The following ZNF438 variants were observed in gnomAD, a reference collection of about 807,000 sequenced individuals.
The protein encoded by ZNF438 is zinc finger protein 438.
Under a neutral mutation model 38.0 loss-of-function variants are expected in ZNF438, and 25 were observed. The observed-to-expected ratio is 0.66, with a 90% confidence interval of 0.48 to 0.92. The LOEUF (loss-of-function observed/expected upper bound fraction) is 0.92. ZNF438 is among the 40% of genes least tolerant of loss of function. The pLI, the probability that ZNF438 is intolerant of heterozygous loss-of-function variation, is 0.00. For synonymous variants in ZNF438, 372 were observed against 364.1 expected (o/e 1.02, Z -0.25); for missense variants, 1,007 against 999.6 (o/e 1.01, Z -0.10).
chr10:30,857,367 G>A (rs1272096970), intron 4 of ZNF438, among the ~76,000 whole-genome samples: 1 of 149,916 alleles, frequency 6.7e-6, no homozygotes, highest in Non-Finnish European at 1.5e-5. Context: ...TGATTCTCCT[G>A]CCTTAGCCTC....
At chr10:30,878,349 G>C (rs376990113) in intron 3 of ZNF438, among the ~76,000 whole-genome samples, 3 of 152,132 alleles carry the variant, frequency 2.0e-5, no homozygotes, top group Non-Finnish European at 4.4e-5. Context: ...TGACTTCAGA[G>C]GGACAGCTGG....
At chr10:30,888,407 G>C (rs530539827) in intron 3 of ZNF438, among the ~76,000 whole-genome samples, 1 of 146,592 alleles carries the variant, frequency 6.8e-6, no homozygotes, top group Non-Finnish European at 1.5e-5. Context: ...GTACATGTGC[G>C]AGTTTGATAT....
intron 1 of ZNF438, among the ~76,000 whole-genome samples, chr10:30,995,258 A>G (rs1437613998): frequency 6.6e-6 from 1 of 152,220 alleles, no homozygotes; most frequent in African/African-American, 2.4e-5. Context: ...AAGCAGCAAG[A>G]GCAAAATGAC....
rs575718995 is a variant in ZNF438, at chr10:30,875,530, A to G, written c.37+1468T>C. 9.1e-6 allele frequency: 9 copies of G among 985,428 alleles called. No individual in the cohort carries two copies. The Admixed American group carries it at 5.5e-4, about 61-fold the overall frequency. 61.0% of individuals were successfully genotyped at this position (985,428 alleles called of 1,614,324 possible). Reference sequence around the variant, plus strand: ...GCTTGCTTGGATAAAAAAAGGTAATACCAGCTAGGACACTGAATTTCAAAC... The same window carrying G: ...GCTTGCTTGGATAAAAAAAGGTAATGCCAGCTAGGACACTGAATTTCAAAC... On this transcript the variant is annotated intron_variant, in intron 4 of 5. Coordinates refer to ENST00000413025, the Ensembl canonical transcript of ZNF438.
chr10:30,878,199 T>C (rs1379235899), intron 3 of ZNF438, among the ~76,000 whole-genome samples: 2 of 152,198 alleles, frequency 1.3e-5, no homozygotes, highest in Non-Finnish European at 2.9e-5. Flanking sequence ...TGGTTCTTTC[T>C]GAATAATGTC....
chr10:30,964,523 T>C (rs2049902243), intron 1 of ZNF438, among the ~76,000 whole-genome samples: 1 of 152,214 alleles, frequency 6.6e-6, no homozygotes, highest in Non-Finnish European at 1.5e-5. Flanking sequence ...CCAGGCACAA[T>C]GCTGTTTACA....
intron 2 of ZNF438, among the ~76,000 whole-genome samples, chr10:30,936,194 T>A (rs969563665): frequency 1.3e-5 from 2 of 152,112 alleles, no homozygotes; most frequent in Non-Finnish European, 2.9e-5. Context: ...TAAAGCCCGA[T>A]TTGCTCATTT....
At chr10:30,901,778 G>A (rs1352375429) in intron 3 of ZNF438, among the ~76,000 whole-genome samples, 2 of 152,036 alleles carry the variant, frequency 1.3e-5, no homozygotes, top group Admixed American at 6.5e-5. Context: ...ATGAAGCCGC[G>A]GACCCTCACG....
At chr10:31,006,790 C>G (rs2051383247) in intron 1 of ZNF438, among the ~76,000 whole-genome samples, 1 of 143,610 alleles carries the variant, frequency 7.0e-6, no homozygotes, top group Non-Finnish European at 1.5e-5. Flanking sequence ...GGGGGGGGAA[C>G]TCCCACACGT....
At chr10:30,974,985 C>T (rs1301628054) in intron 1 of ZNF438, among the ~76,000 whole-genome samples, 1 of 152,164 alleles carries the variant, frequency 6.6e-6, no homozygotes, top group East Asian at 1.9e-4. Flanking sequence ...ACCTGATAAT[C>T]CTGGAGAGGC....
chr10:30,891,820 T>C (rs993405781), intron 3 of ZNF438, among the ~76,000 whole-genome samples: 7 of 152,138 alleles, frequency 4.6e-5, no homozygotes, highest in African/African-American at 9.7e-5. Flanking sequence ...GATACAGATA[T>C]AAGAAAAAGA....
chr10:30,851,037 A>G (rs931073182), intron 4 of ZNF438, among the ~76,000 whole-genome samples: 2 of 152,168 alleles, frequency 1.3e-5, no homozygotes, highest in African/African-American at 4.8e-5. Flanking sequence ...CACACCTTTC[A>G]AACTGTTTAT....
At chr10:30,967,168 T>C (rs1448414619) in intron 1 of ZNF438, among the ~76,000 whole-genome samples, 1 of 152,246 alleles carries the variant, frequency 6.6e-6, no homozygotes, top group Non-Finnish European at 1.5e-5. Flanking sequence ...GGCGTAATAT[T>C]TTCTTCTAAA....
intron 1 of ZNF438, among the ~76,000 whole-genome samples, chr10:30,998,788 T>C (rs962645372): frequency 2.0e-5 from 3 of 152,174 alleles, no homozygotes; most frequent in Admixed American, 6.5e-5. Context: ...TCATTTTTCA[T>C]ACTTTCATGG....
At chr10:30,903,370 A>G (rs1346820292) in intron 3 of ZNF438, among the ~76,000 whole-genome samples, 1 of 152,210 alleles carries the variant, frequency 6.6e-6, no homozygotes, top group Admixed American at 6.5e-5. Flanking sequence ...AGAAGTTATA[A>G]GAAAACACCA....
chr10:30,993,760 T>A (rs1294936528), intron 1 of ZNF438, among the ~76,000 whole-genome samples: 1 of 152,198 alleles, frequency 6.6e-6, no homozygotes, highest in Non-Finnish European at 1.5e-5. Context: ...AGGTCCAACC[T>A]GCGAAAGCCA....
intron 4 of ZNF438, 57 bp from the exon 6 acceptor site, chr10:30,850,424 C>T (rs2033376568): frequency 1.3e-6 from 2 of 1,536,130 alleles, no homozygotes; most frequent in Non-Finnish European, 1.8e-6. Context: ...GTTAGTGATA[C>T]TTCAAACAAC....
intron 1 of ZNF438, among the ~76,000 whole-genome samples, chr10:30,996,198 T>A (rs2054029888): frequency 6.6e-6 from 1 of 152,064 alleles, no homozygotes; most frequent in Non-Finnish European, 1.5e-5. Flanking sequence ...AAAAAAGACC[T>A]GAGACCTATA....
In ZNF438 at chr10:30,847,336, G is replaced by T. The variant is rs558894721; in HGVS notation, c.1874+1195C>A. ...TTAGCCAGACTTGAAGAGACAATGG[G>T]ACGACCAGTGGCAGAGAGGAGCTAC... On this transcript the variant is annotated intron_variant, in intron 5 of 5. Coordinates refer to ENST00000413025, the Ensembl canonical transcript of ZNF438. 4.6e-5 allele frequency among the ~76,000 whole-genome samples: 7 copies of T among 152,298 alleles called. No homozygotes were observed. The East Asian group carries it at 1.4e-3, about 29-fold the overall frequency.
Sources: gnomAD v4.1 joint callset for allele counts (sites outside exome capture counted in the v4.1 genomes callset) on GRCh38, gnomAD v4.1.1 for gene constraint, MANE v1.5 for transcripts, NCBI Gene and HGNC (gene_info 2026-07-23, HGNC 2026-07-21) for gene names.